Variants in NRG2 observed in about 807,000 individuals in gnomAD.
NRG2 encodes neuregulin 2.
Under a neutral mutation model 73.9 loss-of-function variants are expected in NRG2, and 27 were observed. The ratio of observed to expected loss-of-function variants is 0.37; its 90% CI spans 0.27 to 0.50. The LOEUF (loss-of-function observed/expected upper bound fraction) is 0.50, where lower values mean the gene tolerates loss of function less well. Ranked by LOEUF, NRG2 falls within the 20% of genes least tolerant of loss-of-function variation. The pLI is 0.96. For missense variants in NRG2, 1,126 were observed against 1,210.1 expected, an observed-to-expected ratio of 0.93 and a Z score of 1.03; for synonymous variants, 532 against 541.0, an observed-to-expected ratio of 0.98 and a Z score of 0.23.
intron 1 of NRG2, among the ~76,000 whole-genome samples, chr5:139,945,669 T>C (rs1301703946): frequency 6.6e-6 from 1 of 152,044 alleles, no homozygotes; most frequent in African/African-American, 2.4e-5. Flanking sequence ...CATTGGCATT[T>C]TGATAGGTAG....
At chr5:140,015,176 T>G (rs909561116) in intron 1 of NRG2, among the ~76,000 whole-genome samples, 1 of 152,204 alleles carries the variant, frequency 6.6e-6, no homozygotes, top group African/African-American at 2.4e-5. Context: ...TTATAATATT[T>G]ATAACTTTCT....
rs1401951529 is a variant in NRG2 at position 139,938,963 on chromosome 5, A to AGAAG, written c.701-51456_701-51453dup. Among the ~76,000 whole-genome samples, 95 of 138,436 alleles carry AGAAG rather than the reference A, an allele frequency of 6.9e-4. 1 individual carries two copies. The highest frequency in any genetic ancestry group is 4.0e-3 in the Middle Eastern group (1 of 248). 90.8% of individuals were successfully genotyped at this position (138,436 alleles called of 152,430 possible). Reference sequence around the variant, plus strand: ...AAAGAAAGAAAGAAAGAAAGAAAAAAGAAGGAAGGAAGGGAAGGAAGGAAA... The same window carrying AGAAG: ...AAAGAAAGAAAGAAAGAAAGAAAAAAGAAGGAAGGAAGGAAGGGAAGGAAGGAAA... On this transcript the variant is annotated intron_variant, in intron 1 of 9. Coordinates refer to ENST00000361474, the MANE Select transcript of NRG2 (RefSeq NM_004883.3).
chr5:139,956,295 C>T (rs1754620634), intron 1 of NRG2, among the ~76,000 whole-genome samples: 1 of 152,070 alleles, frequency 6.6e-6, no homozygotes, highest in Non-Finnish European at 1.5e-5. Context: ...CCGAGCTGTC[C>T]CTGTCCTGAC....
chr5:139,995,212 T>C (rs1757934900), intron 1 of NRG2, among the ~76,000 whole-genome samples: 1 of 152,180 alleles, frequency 6.6e-6, no homozygotes, highest in Admixed American at 6.5e-5. Context: ...AAATAGGTCA[T>C]CTGAATAAGC....
intron 1 of NRG2, among the ~76,000 whole-genome samples, chr5:140,029,333 TCCACTAA>T (rs899045364): frequency 1.3e-5 from 2 of 152,176 alleles, no homozygotes; most frequent in African/African-American, 4.8e-5. Flanking sequence ...CCATTCTCTT[TCCACTAA>T]TGACAGACAT....
At chr5:139,946,778 A>G in intron 1 of NRG2, among the ~76,000 whole-genome samples, 1 of 152,152 alleles carries the variant, frequency 6.6e-6, no homozygotes, top group East Asian at 1.9e-4. Context: ...AACAACAATA[A>G]AACAATCTGG....
At chr5:139,872,104 G>C (rs529639614) in intron 3 of NRG2, among the ~76,000 whole-genome samples, 23 of 152,276 alleles carry the variant, frequency 1.5e-4, no homozygotes, top group Middle Eastern at 3.4e-3. Context: ...ATTCTTTTGT[G>C]GGGGGAGCAG....
Position 139,954,578 on chromosome 5 carries a change from G to A in NRG2, c.701-67067C>T, listed in dbSNP as rs1754473629. The stretch of plus-strand genomic sequence containing the variant: ...CTAAGCCCCAACTTAAAGGTTCTCT[G>A]TGATTTAGCAACCCTGGACGTCATC... On this transcript the variant is annotated intron_variant, in intron 1 of 9. Coordinates refer to ENST00000361474, the MANE Select transcript of NRG2 (RefSeq NM_004883.3). The surrounding 1 kb of genome is among the most constrained non-coding windows in gnomAD (Gnocchi z 5.0). 6.6e-6 allele frequency among the ~76,000 whole-genome samples: 1 copy of A among 152,200 alleles called. No homozygotes were observed. Among genetic ancestry groups the A allele is most frequent in the Non-Finnish European group, 1.5e-5 (1 of 68,034 alleles).
In NRG2 at chr5:139,859,465, G is replaced by T. The variant is rs529216725; in HGVS notation, c.1190-3687C>A. ...AGACTAAAGTCAAATGGAAAGGGAT[G>T]CCTCTCTGCACAACTCTCCAAACCA... On this transcript the variant is annotated intron_variant, in intron 5 of 9. Transcript: ENST00000361474. Among the ~76,000 whole-genome samples, 6 of 152,344 alleles carry T rather than the reference G, an allele frequency of 3.9e-5. No homozygotes were observed. In the South Asian group the frequency reaches 1.0e-3, roughly 26 times the overall value.
intron 1 of NRG2, among the ~76,000 whole-genome samples, chr5:139,902,296 C>A (rs1318880298): frequency 6.6e-6 from 1 of 152,218 alleles, no homozygotes; most frequent in Non-Finnish European, 1.5e-5. Flanking sequence ...CTCACACCTG[C>A]AGTTCAGCCC....
intron 1 of NRG2, among the ~76,000 whole-genome samples, chr5:140,018,791 C>T (rs911508781): frequency 9.2e-5 from 14 of 152,206 alleles, no homozygotes; most frequent in African/African-American, 3.1e-4. Context: ...CCAGATCCTG[C>T]TCCTGAGCAT....
intron 1 of NRG2, among the ~76,000 whole-genome samples, chr5:140,004,788 G>C (rs897698594): frequency 6.6e-6 from 1 of 152,096 alleles, no homozygotes; most frequent in African/African-American, 2.4e-5. Flanking sequence ...GAAAACTTGT[G>C]AAATTCAAAT....
intron 4 of NRG2, 74 bp downstream of exon 4, chr5:139,871,647 T>C: frequency 6.3e-7 from 1 of 1,582,070 alleles, no homozygotes; most frequent in Non-Finnish European, 8.6e-7. Context: ...CCTCTTTTCC[T>C]AGAGCCCTCC....
Position 139,865,282 on chromosome 5 carries a change from T to TAA in NRG2, c.1189+266_1189+267insTT, listed in dbSNP as rs1441080083. On this transcript the variant is annotated intron_variant, in intron 5 of 9. Coordinates refer to ENST00000361474, the MANE Select transcript of NRG2 (RefSeq NM_004883.3). This position sits in a 1 kb window ranked among gnomAD's most constrained non-coding sequence, Gnocchi z 5.2. ...ATGCCAGCTGGGTTCCTTGCCACCGTTACCATTTGTATTGGCCTTGCCACT... is the reference window on the plus strand; with the variant it reads ...ATGCCAGCTGGGTTCCTTGCCACCGTAATACCATTTGTATTGGCCTTGCCACT... 1.1e-6 allele frequency: 1 copy of TAA among 929,594 alleles called. No individual in the cohort carries two copies. Among genetic ancestry groups the TAA allele is most frequent in the Non-Finnish European group, 1.7e-6 (1 of 571,670 alleles). 57.6% of individuals were successfully genotyped at this position (929,594 alleles called of 1,614,324 possible). A position where few individuals can be genotyped will look rare whatever the true frequency, so the allele number is the denominator to read the frequency against.
At chr5:140,000,184 G>C (rs1437056540) in intron 1 of NRG2, among the ~76,000 whole-genome samples, 2 of 152,212 alleles carry the variant, frequency 1.3e-5, no homozygotes, top group Admixed American at 1.3e-4. Context: ...CTTGAGTCTG[G>C]AGGTTCTCAG....
chr5:140,014,347 G>A (rs544927582), intron 1 of NRG2, among the ~76,000 whole-genome samples: 9 of 151,870 alleles, frequency 5.9e-5, no homozygotes, highest in African/African-American at 2.2e-4. Context: ...AGCATTTCTC[G>A]TGCCTCAGTC....
Position 139,976,366 on chromosome 5 carries a change from G to T in NRG2, c.700+66004C>A, listed in dbSNP as rs138925138. ...CTTTATTCCTGAAGTCTTTGAACCA[G>T]TTAAAGGTAATAACCTCAAATGCAG... On this transcript the variant is annotated intron_variant, in intron 1 of 9. Coordinates refer to ENST00000361474, the MANE Select transcript of NRG2 (RefSeq NM_004883.3). Among the ~76,000 whole-genome samples the T allele has an allele frequency of 8.3e-4, 126 of 152,360 alleles. 1 individual carries two copies. The highest frequency in any genetic ancestry group is 2.9e-3 in the African/African-American group (122 of 41,574).
chr5:139,977,211 G>A (rs957036526), intron 1 of NRG2, among the ~76,000 whole-genome samples: 5 of 152,198 alleles, frequency 3.3e-5, no homozygotes, highest in South Asian at 2.1e-4. Flanking sequence ...GAACTCTCTG[G>A]CTTATCTTCA....
intron 1 of NRG2, among the ~76,000 whole-genome samples, chr5:139,907,858 A>G (rs1489699337): frequency 5.9e-5 from 9 of 152,194 alleles, no homozygotes; most frequent in Non-Finnish European, 1.3e-4. Context: ...CAATGAGCAG[A>G]CCAGGTTTAT....
Sources: allele counts gnomAD v4.1 joint callset (sites outside exome capture counted in the v4.1 genomes callset), GRCh38; gene constraint gnomAD v4.1.1; non-coding constraint Gnocchi (gnomAD v3.1); transcripts MANE v1.5; gene names NCBI Gene and HGNC (gene_info 2026-07-23, HGNC 2026-07-21).